TRIM27: variants seen among roughly 807,000 people sequenced by gnomAD.
TRIM27 encodes the protein tripartite motif containing 27.
Under a neutral mutation model 57.6 loss-of-function variants are expected in TRIM27, and 12 were observed. That is an observed-to-expected ratio of 0.21 (90% CI 0.13 to 0.34). The LOEUF is 0.34. Among genes scored for constraint, TRIM27 ranks in the 10% least tolerant of loss-of-function variants. The pLI, the probability that TRIM27 is intolerant of heterozygous loss-of-function variation, is 1.00. For synonymous variants in TRIM27, 266 were observed against 259.0 expected (o/e 1.03, Z -0.26); for missense variants, 403 against 656.8 (o/e 0.61, Z 4.22).
intron 3 of TRIM27, among the ~76,000 whole-genome samples, chr6:28,918,102 A>G (rs1773748785): frequency 6.6e-6 from 1 of 152,168 alleles, no homozygotes; most frequent in African/African-American, 2.4e-5. Context: ...CTGGGATTAC[A>G]GGCATGAGCC....
chr6:28,908,682 G>T, intron 6 of TRIM27, 126 bp downstream of exon 6: 1 of 779,686 alleles, frequency 1.3e-6, no homozygotes, highest in Non-Finnish European at 2.1e-6. Flanking sequence ...CCAAAGGGAA[G>T]ATGTAAAATA....
intron 3 of TRIM27, among the ~76,000 whole-genome samples, chr6:28,912,088 A>G (rs1481774039): frequency 6.6e-6 from 1 of 151,776 alleles, no homozygotes; most frequent in Non-Finnish European, 1.5e-5. Flanking sequence ...AGCTGTTAGT[A>G]CAAAGAACTC....
At position 28,923,564 on chromosome 6, in the gene TRIM27, G is replaced by T. The variant is rs1774229712; in HGVS notation, c.69C>A (p.Phe23Leu). ...CGCAGTCGAGCATCATGGGCTCTGC[G>T]AAGTACTGCAGGCACACGGGGCAGG... ...ETTCPVCLQY[F>L]AEPMMLDCGH... The change falls in exon 1 of 8, where the codon TTC (phenylalanine) becomes TTA (leucine). Residue 23 changes from phenylalanine to leucine, a missense_variant. Coordinates refer to ENST00000377199, the MANE Select transcript of TRIM27 (RefSeq NM_006510.5). The T allele has an allele frequency of 6.2e-7, 1 of 1,610,786 alleles. No individual in the cohort carries two copies. Among genetic ancestry groups the T allele is most frequent in the Non-Finnish European group, 8.5e-7 (1 of 1,179,070 alleles).
At chr6:28,913,608 A>G (rs1338664507) in intron 3 of TRIM27, among the ~76,000 whole-genome samples, 2 of 152,136 alleles carry the variant, frequency 1.3e-5, no homozygotes, top group African/African-American at 4.8e-5. Context: ...TCAAAAGTGT[A>G]TTAAGTTGAA....
intron 6 of TRIM27, chr6:28,907,601 A>G (rs776210129): frequency 2.0e-5 from 12 of 586,860 alleles, no homozygotes; most frequent in Middle Eastern, 2.7e-4. Context: ...CACGTCATAC[A>G]TAACTTTTGA....
At chr6:28,909,112 A>ATTTT in intron 4 of TRIM27, 24 bp from the exon 5 acceptor site, 4 of 1,262,556 alleles carry the variant, frequency 3.2e-6, no homozygotes, top group East Asian at 5.5e-5. Flanking sequence ...ACATGAGTAA[A>ATTTT]TTTTTTTTTT....
intron 7 of TRIM27, chr6:28,905,359 T>G (rs528444251): frequency 1.3e-5 from 2 of 152,268 alleles, no homozygotes; most frequent in Non-Finnish European, 2.9e-5. Flanking sequence ...GTGAGATTCA[T>G]GAATGTTTAC....
chr6:28,912,345 G>A (rs897262365), intron 3 of TRIM27, among the ~76,000 whole-genome samples: 6 of 152,008 alleles, frequency 3.9e-5, no homozygotes, highest in Non-Finnish European at 8.8e-5. Context: ...CCTGACCTCA[G>A]GTGATCCACC....
Position 28,920,249 on chromosome 6 carries a change from AGAC to A in TRIM27, c.517-10_517-8del. ...TCTCCATCTGGGTTAGGCTCTATGC[AGAC>A]GACAGGGAAAGGCAGTAAAGAGAAA... On this transcript the variant is annotated splice_polypyrimidine_tract_variant and splice_region_variant and intron_variant, in intron 2 of 7. Coordinates refer to ENST00000377199, the MANE Select transcript of TRIM27 (RefSeq NM_006510.5). 6.3e-7 allele frequency: 1 copy of A among 1,583,056 alleles called. No homozygotes were observed. Among genetic ancestry groups the A allele is most frequent in the Non-Finnish European group, 8.6e-7 (1 of 1,161,550 alleles).
At chr6:28,907,198 C>T in intron 7 of TRIM27, 38 bp downstream of exon 7, 1 of 1,578,908 alleles carries the variant, frequency 6.3e-7, no homozygotes, top group Non-Finnish European at 8.6e-7. Context: ...AGGATTTTTA[C>T]TCCTTACCCT....
chr6:28,912,918 C>T (rs1214642263), intron 3 of TRIM27, among the ~76,000 whole-genome samples: 1 of 152,034 alleles, frequency 6.6e-6, no homozygotes, highest in Non-Finnish European at 1.5e-5. Context: ...TTTGCCTTTT[C>T]TTTATGCAAG....
intron 3 of TRIM27, among the ~76,000 whole-genome samples, chr6:28,917,248 C>T (rs939119113): frequency 6.6e-6 from 1 of 152,030 alleles, no homozygotes; most frequent in African/African-American, 2.4e-5. Flanking sequence ...CACGCCAGAG[C>T]AGTCAAGATT....
chr6:28,909,749 T>C (rs1204319121), intron 4 of TRIM27, among the ~76,000 whole-genome samples: 1 of 152,198 alleles, frequency 6.6e-6, no homozygotes, highest in Non-Finnish European at 1.5e-5. Flanking sequence ...ATGGAAAGAA[T>C]GACATGTTCA....
chr6:28,917,643 T>A (rs1773710093), intron 3 of TRIM27, among the ~76,000 whole-genome samples: 1 of 151,818 alleles, frequency 6.6e-6, no homozygotes, highest in African/African-American at 2.4e-5. Context: ...AGATGTTCAC[T>A]GACCAAATAC....
intron 4 of TRIM27, 96 bp downstream of exon 4, chr6:28,911,600 C>A: frequency 8.0e-7 from 1 of 1,251,320 alleles, no homozygotes; most frequent in Non-Finnish European, 1.1e-6. Context: ...GATAAGATGT[C>A]CATCCTCAGG....
rs1554184226 is a variant in TRIM27, at chr6:28,913,287, T to TAA, written c.748-1571_748-1570dup. Among the ~76,000 whole-genome samples the TAA allele has an allele frequency of 8.8e-5, 13 of 147,014 alleles. No individual in the cohort carries two copies. In the East Asian group the frequency reaches 9.8e-4, roughly 11 times the overall value. ...AAAAAAAAATATATATATATATATA[T>TAA]AATATACGTATGTATATGTGTGTGT... On this transcript the variant is annotated intron_variant, in intron 3 of 7. Coordinates refer to ENST00000377199, the MANE Select transcript of TRIM27 (RefSeq NM_006510.5).
chr6:28,923,614 C>A lies in TRIM27; in HGVS notation c.19G>T (p.Ala7Ser), dbSNP rs1242975013. 6.3e-7 allele frequency: 1 copy of A among 1,592,098 alleles called. No individual in the cohort carries two copies. The highest frequency in any genetic ancestry group is 1.7e-5 in the Admixed American group (1 of 58,704). The change falls in exon 1 of 8, where the codon GCC becomes TCC. Residue 7 changes from alanine to serine, a missense_variant. Ala to Ser is a moderately conservative substitution (Grantham distance 99, BLOSUM62 1). Coordinates refer to ENST00000377199, the MANE Select transcript of TRIM27 (RefSeq NM_006510.5). The part of the protein sequence containing the change: MASGSV[A>S]ECLQQETTCP... ...GTGGTCTCCTGCTGCAGGCACTCGG[C>A]CACACTCCCGGAGGCCATGGCGCCG...
At position 28,923,495 on chromosome 6, in the gene TRIM27, C is replaced by T; in HGVS notation, c.138G>A (p.Thr46=). 6.2e-7 allele frequency: 1 copy of T among 1,612,046 alleles called. No individual in the cohort carries two copies. The highest frequency in any genetic ancestry group is 8.5e-7 in the Non-Finnish European group (1 of 1,179,626). ...CCACLARCWG[T]AETNVSCPQC... Reference sequence around the variant, plus strand: ...GCGGGCACGACACGTTAGTCTCTGCCGTGCCCCAGCAGCGGGCGAGGCACG... The same window carrying T: ...GCGGGCACGACACGTTAGTCTCTGCTGTGCCCCAGCAGCGGGCGAGGCACG... The change falls in exon 1 of 8, where the codon ACG becomes ACA. Residue 46 remains threonine (T), a synonymous_variant. Coordinates refer to ENST00000377199, the MANE Select transcript of TRIM27 (RefSeq NM_006510.5).
chr6:28,911,101 C>T (rs151141438), intron 4 of TRIM27, among the ~76,000 whole-genome samples: 1 of 152,168 alleles, frequency 6.6e-6, no homozygotes, highest in African/African-American at 2.4e-5. Flanking sequence ...AAGGCCCATC[C>T]CACTTGCCTC....
Sources: gnomAD v4.1 joint callset for allele counts (sites outside exome capture counted in the v4.1 genomes callset) on GRCh38, gnomAD v4.1.1 for gene constraint, MANE v1.5 for transcripts, NCBI Gene and HGNC (gene_info 2026-07-23, HGNC 2026-07-21) for gene names.